Variants in KIAA2012 observed in about 807,000 individuals in gnomAD.
KIAA2012 encodes the protein KIAA2012, also known as uncharacterized protein KIAA2012.
In KIAA2012, 125 loss-of-function variants were observed where a neutral mutation model predicts 150.6. That is an observed-to-expected ratio of 0.83 (90% confidence interval 0.72 to 0.96). KIAA2012 has a LOEUF of 0.96. Among genes scored for constraint, KIAA2012 ranks in the 40% least tolerant of loss-of-function variants. The pLI, the probability that KIAA2012 is intolerant of heterozygous loss-of-function variation, is 0.00. For missense variants in KIAA2012, 1,219 were observed against 1,354.9 expected (o/e 0.90, Z 1.57); for synonymous variants, 462 against 504.7 (o/e 0.92, Z 1.13).
At chr2:202,159,737 G>A (rs1005855142) in intron 14 of KIAA2012, among the ~76,000 whole-genome samples, 1 of 152,208 alleles carries the variant, frequency 6.6e-6, no homozygotes, top group Admixed American at 6.5e-5. Flanking sequence ...AGCTACTCAG[G>A]GGGCTGAGAC....
chr2:202,079,041 C>CA (rs1301856476), intron 2 of KIAA2012, among the ~76,000 whole-genome samples: 1 of 152,050 alleles, frequency 6.6e-6, no homozygotes. Flanking sequence ...ACTAAAAATA[C>CA]AAAAAATTAG....
chr2:202,113,231 TA>T, intron 10 of KIAA2012, 104 bp from the exon 11 acceptor site: 2 of 776,814 alleles, frequency 2.6e-6, no homozygotes, highest in Non-Finnish European at 4.3e-6. Context: ...CATAGGCATC[TA>T]CGGGTGTGTG....
At chr2:202,163,381 C>A in intron 14 of KIAA2012, among the ~76,000 whole-genome samples, 1 of 151,990 alleles carries the variant, frequency 6.6e-6, no homozygotes, top group African/African-American at 2.4e-5. Flanking sequence ...GGATTACAGG[C>A]GTGAGCCACC....
chr2:202,098,989 T>C (rs571952027), intron 5 of KIAA2012, among the ~76,000 whole-genome samples: 21 of 60,416 alleles, frequency 3.5e-4, no homozygotes, highest in Non-Finnish European at 6.3e-4. Context: ...CATTTCTTTT[T>C]GGGGGGTGGT....
intron 13 of KIAA2012, among the ~76,000 whole-genome samples, chr2:202,146,631 CAAA>C (rs34039489): frequency 5.2e-4 from 40 of 76,500 alleles, no homozygotes; most frequent in African/African-American, 8.2e-4. Context: ...GACTCCATCT[CAAA>C]AAAAAAAAAA....
At chr2:202,162,495 G>A (rs543903035) in intron 14 of KIAA2012, among the ~76,000 whole-genome samples, 8 of 151,000 alleles carry the variant, frequency 5.3e-5, no homozygotes, top group South Asian at 2.1e-4. Flanking sequence ...GGCTGGTCTC[G>A]AACTCCTGAC....
rs1559233584 is a variant in KIAA2012, at chr2:202,190,365, C to G, written c.2683C>G (p.Leu895Val). The G allele has an allele frequency of 1.3e-6, 2 of 1,550,666 alleles. No individual in the cohort carries two copies. The highest frequency in any genetic ancestry group is 1.7e-6 in the Non-Finnish European group (2 of 1,146,998). Residue 895 changes from leucine to valine, a missense_variant, in exon 19 of 24, where the codon CTT becomes GTT. Transcript: ENST00000498697. The part of the protein sequence containing the change: ...ASDSFVEDPW[L>V]SPKYDAQESQ... Reference sequence around the variant, plus strand: ...AGACTCCTTTGTAGAGGACCCTTGGCTTTCTCCCAAATATGATGCCCAGGA... The same window carrying G: ...AGACTCCTTTGTAGAGGACCCTTGGGTTTCTCCCAAATATGATGCCCAGGA...
At chr2:202,147,324 G>A (rs116121446) in intron 13 of KIAA2012, among the ~76,000 whole-genome samples, 362 of 152,166 alleles carry the variant, frequency 2.4e-3, no homozygotes, top group African/African-American at 8.2e-3. Context: ...AATTGCTTTC[G>A]CCATATACCT....
chr2:202,124,171 G>A (rs1484155606), intron 11 of KIAA2012, among the ~76,000 whole-genome samples: 2 of 152,108 alleles, frequency 1.3e-5, no homozygotes. Context: ...CCAGCCTGGT[G>A]ACAGAGCGAA....
At chr2:202,161,248 A>G (rs1036429599) in intron 14 of KIAA2012, among the ~76,000 whole-genome samples, 2 of 151,994 alleles carry the variant, frequency 1.3e-5, no homozygotes, top group Admixed American at 6.6e-5. Flanking sequence ...GTTGGTTTCA[A>G]TGCTGTAGTT....
chr2:202,114,981 T>G (rs576768144), intron 11 of KIAA2012: 6 of 167,510 alleles, frequency 3.6e-5, no homozygotes, highest in African/African-American at 1.4e-4. Flanking sequence ...GTCTTGATGG[T>G]GACAGGATGT....
chr2:202,084,502 C>A (rs1267589601), intron 2 of KIAA2012, among the ~76,000 whole-genome samples: 1 of 152,152 alleles, frequency 6.6e-6, no homozygotes, highest in African/African-American at 2.4e-5. Flanking sequence ...TAATAGGCCA[C>A]CCCGTGCACA....
At chr2:202,086,167 C>CAAAAAAAAA (rs56207993) in intron 2 of KIAA2012, among the ~76,000 whole-genome samples, 9 of 90,076 alleles carry the variant, frequency 1.0e-4, no homozygotes, top group East Asian at 3.4e-4. Flanking sequence ...AACTCTGTCT[C>CAAAAAAAAA]AAAAAAAAAA....
chr2:202,174,013 T>C (rs1274547153), intron 15 of KIAA2012, among the ~76,000 whole-genome samples: 1 of 152,186 alleles, frequency 6.6e-6, no homozygotes, highest in Non-Finnish European at 1.5e-5. Context: ...TCGCCCAGAC[T>C]GGAGTGCAAC....
At chr2:202,156,062 C>A (rs1455380515) in intron 14 of KIAA2012, among the ~76,000 whole-genome samples, 2 of 152,086 alleles carry the variant, frequency 1.3e-5, no homozygotes, top group Non-Finnish European at 2.9e-5. Context: ...GTACTGAAAA[C>A]TATAAGAAGG....
chr2:202,190,909 A>G (rs1010077032), intron 19 of KIAA2012, among the ~76,000 whole-genome samples: 1 of 152,172 alleles, frequency 6.6e-6, no homozygotes, highest in African/African-American at 2.4e-5. Flanking sequence ...GGAAATTCCT[A>G]CTTTCCTAAT....
At chr2:202,186,193 G>A (rs924718363) in intron 16 of KIAA2012, among the ~76,000 whole-genome samples, 5 of 152,144 alleles carry the variant, frequency 3.3e-5, no homozygotes, top group Non-Finnish European at 7.4e-5. Flanking sequence ...ACCTTTTAGT[G>A]GCTGAATTTG....
At chr2:202,172,314 T>C (rs1412938028) in intron 15 of KIAA2012, among the ~76,000 whole-genome samples, 1 of 152,260 alleles carries the variant, frequency 6.6e-6, no homozygotes, top group Non-Finnish European at 1.5e-5. Context: ...AGCTGAGAGA[T>C]GAACCCAGGT....
chr2:202,174,646 G>A (rs1691956951), intron 15 of KIAA2012, among the ~76,000 whole-genome samples: 1 of 152,220 alleles, frequency 6.6e-6, no homozygotes, highest in Admixed American at 6.5e-5. Flanking sequence ...GAGCAGCACA[G>A]TGAATCCCAT....
Sources: gnomAD v4.1 joint callset for allele counts (sites outside exome capture counted in the v4.1 genomes callset) on GRCh38, gnomAD v4.1.1 for gene constraint, MANE v1.5 for transcripts, NCBI Gene and HGNC (gene_info 2026-07-23, HGNC 2026-07-21) for gene names.